FSTL4: variants seen among roughly 807,000 people sequenced by gnomAD.
The protein encoded by FSTL4 is follistatin like 4, also known as follistatin-related protein 4.
A neutral mutation model predicts 78.2 loss-of-function variants in FSTL4; 28 were observed. That is an observed-to-expected ratio of 0.36 (90% CI 0.27 to 0.49). The LOEUF is 0.49. Among genes scored for constraint, FSTL4 ranks in the 20% least tolerant of loss-of-function variants. FSTL4 has a pLI of 0.98. For synonymous variants in FSTL4, 422 were observed against 440.5 expected (o/e 0.96, Z 0.53); for missense variants, 922 against 1,084.9 (o/e 0.85, Z 2.11).
the FSTL4 span, among the ~76,000 whole-genome samples, chr5:133,706,911 C>G: frequency 6.6e-6 from 1 of 152,186 alleles, no homozygotes; most frequent in African/African-American, 2.4e-5. Flanking sequence ...GGCAGCTCAT[C>G]ATGTCTCCAC....
chr5:133,553,101 C>A (rs779746840), intron 3 of FSTL4, among the ~76,000 whole-genome samples: 74 of 152,152 alleles, frequency 4.9e-4, no homozygotes, highest in Non-Finnish European at 9.1e-4. Flanking sequence ...GTAACTCTCC[C>A]TCTGACCTCC....
At chr5:133,640,660 T>C in the FSTL4 span, among the ~76,000 whole-genome samples, 3 of 152,204 alleles carry the variant, frequency 2.0e-5, no homozygotes, top group African/African-American at 7.2e-5. Context: ...CTGCTTCCAA[T>C]TTGATACTGT....
At chr5:133,433,800 G>A (rs529277678) in intron 3 of FSTL4, among the ~76,000 whole-genome samples, 39 of 152,276 alleles carry the variant, frequency 2.6e-4, no homozygotes, top group Admixed American at 7.2e-4. Flanking sequence ...AAGCACGGCA[G>A]GCAGAGGGAA....
At chr5:133,370,292 G>C (rs1174085199) in intron 4 of FSTL4, among the ~76,000 whole-genome samples, 3 of 152,174 alleles carry the variant, frequency 2.0e-5, no homozygotes, top group African/African-American at 7.2e-5. Flanking sequence ...TGGTTGGCAG[G>C]CTGGGCTGTG....
intron 3 of FSTL4, among the ~76,000 whole-genome samples, chr5:133,459,533 T>C (rs759520156): frequency 6.6e-6 from 1 of 152,260 alleles, no homozygotes; most frequent in Non-Finnish European, 1.5e-5. Flanking sequence ...CTCAAAAATC[T>C]ACCTTAGAGT....
chr5:133,768,333 A>C, the FSTL4 span, among the ~76,000 whole-genome samples: 2 of 152,170 alleles, frequency 1.3e-5, no homozygotes, highest in East Asian at 1.9e-4. Flanking sequence ...CCACCACCGG[A>C]AGTGTTGGCA....
intron 3 of FSTL4, among the ~76,000 whole-genome samples, chr5:133,513,272 T>C (rs770125688): frequency 1.1e-4 from 17 of 152,236 alleles, no homozygotes; most frequent in Non-Finnish European, 2.1e-4. Context: ...ATCATATATG[T>C]TCCAATAGGG....
intron 4 of FSTL4, among the ~76,000 whole-genome samples, chr5:133,323,705 C>T (rs1754131013): frequency 6.6e-6 from 1 of 152,248 alleles, no homozygotes; most frequent in Non-Finnish European, 1.5e-5. Flanking sequence ...TGGCCTCAGG[C>T]TCCTTGCCAG....
At chr5:133,541,579 A>T (rs1361667820) in intron 3 of FSTL4, among the ~76,000 whole-genome samples, 1 of 152,208 alleles carries the variant, frequency 6.6e-6, no homozygotes, top group Non-Finnish European at 1.5e-5. Context: ...AATATGTGAA[A>T]TGGAAGATAC....
At chr5:133,448,751 G>A (rs1373146105) in intron 3 of FSTL4, among the ~76,000 whole-genome samples, 1 of 138,534 alleles carries the variant, frequency 7.2e-6, no homozygotes, top group Non-Finnish European at 1.6e-5. Context: ...GGGGGGGGGG[G>A]CGCTCAGAAT....
chr5:133,317,245 G>A (rs748163939), intron 4 of FSTL4, among the ~76,000 whole-genome samples: 3 of 152,234 alleles, frequency 2.0e-5, no homozygotes, highest in Admixed American at 6.5e-5. Flanking sequence ...CACACAGCTC[G>A]TTTTATCCCA....
At chr5:133,553,452 G>C (rs1379231084) in intron 3 of FSTL4, among the ~76,000 whole-genome samples, 1 of 152,186 alleles carries the variant, frequency 6.6e-6, no homozygotes, top group African/African-American at 2.4e-5. Flanking sequence ...GCAAGACACA[G>C]GGACATCCCA....
chr5:133,609,980 T>G (rs1033449879), intron 1 of FSTL4, among the ~76,000 whole-genome samples: 24 of 152,234 alleles, frequency 1.6e-4, no homozygotes, highest in African/African-American at 5.5e-4. Context: ...TCAAGAAGGT[T>G]GAGTTTGCAG....
intron 4 of FSTL4, among the ~76,000 whole-genome samples, chr5:133,342,936 T>C (rs1382080307): frequency 1.3e-5 from 2 of 152,106 alleles, no homozygotes; most frequent in Non-Finnish European, 2.9e-5. Context: ...TGCTCACGGA[T>C]CCTTATACCA....
At chr5:133,728,294 C>T in the FSTL4 span, among the ~76,000 whole-genome samples, 4 of 152,204 alleles carry the variant, frequency 2.6e-5, no homozygotes, top group Non-Finnish European at 4.4e-5. Flanking sequence ...ACAATGAGAA[C>T]CTGCAGAAGC....
chr5:133,364,568 A>G (rs541505219), intron 4 of FSTL4, among the ~76,000 whole-genome samples: 2 of 152,344 alleles, frequency 1.3e-5, no homozygotes, highest in Non-Finnish European at 2.9e-5. Flanking sequence ...GAAATTGTGC[A>G]GTTATGAGGC....
chr5:133,478,734 G>A (rs1052126904), intron 3 of FSTL4, among the ~76,000 whole-genome samples: 21 of 152,100 alleles, frequency 1.4e-4, no homozygotes, highest in Non-Finnish European at 2.9e-4. Context: ...CCAGATAACT[G>A]GGGTAATTTG....
chr5:133,417,116 A>C (rs1275894580), intron 3 of FSTL4, among the ~76,000 whole-genome samples: 2 of 152,264 alleles, frequency 1.3e-5, no homozygotes, highest in Non-Finnish European at 2.9e-5. Flanking sequence ...TAAAATTCAT[A>C]TCTTTTTAAA....
chr5:133,670,046 C>T, the FSTL4 span, among the ~76,000 whole-genome samples: 1 of 152,214 alleles, frequency 6.6e-6, no homozygotes, highest in Non-Finnish European at 1.5e-5. Flanking sequence ...CGCTCCGCTC[C>T]CAAGATGCCC....
Sources: allele counts gnomAD v4.1 joint callset (sites outside exome capture counted in the v4.1 genomes callset), GRCh38; gene constraint gnomAD v4.1.1; transcripts MANE v1.5; gene names NCBI Gene and HGNC (gene_info 2026-07-23, HGNC 2026-07-21).